Variants in PROM1 observed in about 807,000 individuals in gnomAD.
PROM1 encodes the protein prominin 1, also known as prominin-1.
PROM1 carries 105 observed loss-of-function variants against 116.9 expected under a neutral mutation model. The observed-to-expected ratio is 0.90, with a 90% confidence interval of 0.77 to 1.06. The LOEUF is 1.06. Ranked by LOEUF, PROM1 falls within the 50% of genes least tolerant of loss-of-function variation. PROM1 has a pLI of 0.00. For missense variants in PROM1, 1,122 were observed against 1,045.2 expected (o/e 1.07, Z -1.01); for synonymous variants, 393 against 387.0 (o/e 1.02, Z -0.18).
rs1720451956 is a variant in PROM1 at position 15,989,625 on chromosome 4, G to C, written c.2076+107C>G. On this transcript the variant is annotated intron_variant, in intron 19 of 27. Coordinates refer to ENST00000447510, the MANE Select transcript of PROM1 (RefSeq NM_006017.3). Reference sequence around the variant, plus strand: ...CTTCTGGGGCTGAAGCCAGTCAGCTGGGACCTATGAGAGATGAGCATGTGT... The same window carrying C: ...CTTCTGGGGCTGAAGCCAGTCAGCTCGGACCTATGAGAGATGAGCATGTGT... The C allele has an allele frequency of 6.4e-6, 6 of 939,666 alleles. No individual in the cohort carries two copies. In the South Asian group the frequency reaches 8.5e-5, roughly 13 times the overall value. The allele number at this position is 939,666 out of a possible 1,614,324, so 58.2% of individuals were successfully genotyped here.
chr4:15,977,944 T>C (rs1319793612), intron 26 of PROM1, among the ~76,000 whole-genome samples: 2 of 152,198 alleles, frequency 1.3e-5, no homozygotes, highest in Non-Finnish European at 2.9e-5. Context: ...CTGATCTGAA[T>C]GTTTGTGCAC....
intron 3 of PROM1, among the ~76,000 whole-genome samples, chr4:16,038,270 T>C (rs992789221): frequency 2.6e-5 from 4 of 152,208 alleles, no homozygotes; most frequent in African/African-American, 4.8e-5. Context: ...AAACGATGTT[T>C]TATAACAGAG....
intron 24 of PROM1, 200 bp downstream of exon 24, chr4:15,980,222 A>G: frequency 1.5e-6 from 1 of 656,276 alleles, no homozygotes. Context: ...AAGCAAGAGG[A>G]AAAAAGTAGT....
At position 15,984,324 on chromosome 4, in the gene PROM1, A is replaced by G. The variant is rs1280225569; in HGVS notation, c.2312T>C (p.Val771Ala). 1 of 1,605,498 alleles carries G rather than the reference A, an allele frequency of 6.2e-7. No homozygotes were observed. Among genetic ancestry groups the G allele is most frequent in the Admixed American group, 1.7e-5 (1 of 59,242 alleles). The part of the protein sequence containing the change: ...ISEKVASCKP[V>A]ATALDTAVDV... ...AACAGCAGTATCTAGAGCGGTGGCC[A>G]CAGGTTTGCACGATGCCACTTTCTC... The change falls in exon 23 of 28, where the codon GTG becomes GCG. Residue 771 changes from valine (V) to alanine (A), a missense_variant. By Grantham distance (64) the Val-to-Ala change is moderately conservative. Coordinates refer to ENST00000447510, the MANE Select transcript of PROM1 (RefSeq NM_006017.3).
At chr4:16,082,983 T>C (rs1578364600) in intron 1 of PROM1, among the ~76,000 whole-genome samples, 1 of 151,884 alleles carries the variant, frequency 6.6e-6, no homozygotes, top group East Asian at 2.0e-4. Context: ...TCCCCGCGCA[T>C]GCAAGCAGAA....
At chr4:16,036,919 A>G (rs1269450302) in intron 3 of PROM1, among the ~76,000 whole-genome samples, 2 of 152,216 alleles carry the variant, frequency 1.3e-5, no homozygotes, top group African/African-American at 4.8e-5. Context: ...ATGTGGGCTC[A>G]GTTCTGCATC....
Position 16,075,003 on chromosome 4 carries a change from C to G in PROM1, c.220+684G>C, listed in dbSNP as rs191979164. ...AAACCCTAGTAGCAGATATTTCCCA[C>G]AGGCTATTTTTACTTTCATAATCCC... On this transcript the variant is annotated intron_variant, in intron 2 of 27. Transcript: ENST00000447510. Among the ~76,000 whole-genome samples the G allele has an allele frequency of 8.5e-5, 13 of 152,338 alleles. No individual in the cohort carries two copies. In the East Asian group the frequency reaches 2.3e-3, roughly 27 times the overall value.
intron 24 of PROM1, 70 bp from the exon 25 acceptor site, chr4:15,979,974 C>A: frequency 1.1e-6 from 1 of 927,798 alleles, no homozygotes; most frequent in South Asian, 1.6e-5. Context: ...AACTACATCC[C>A]CCAAATATTT....
chr4:16,060,264 T>C (rs937188802), intron 2 of PROM1, among the ~76,000 whole-genome samples: 3 of 152,094 alleles, frequency 2.0e-5, no homozygotes, highest in Non-Finnish European at 4.4e-5. Context: ...CTACCAGATA[T>C]ATTAAGTTTT....
At chr4:16,024,410 A>C in intron 6 of PROM1, 52 bp from the exon 7 acceptor site, 1 of 1,448,394 alleles carries the variant, frequency 6.9e-7, no homozygotes, top group East Asian at 2.3e-5. Flanking sequence ...CAAAGGCAAT[A>C]AGAGGGCAAA....
chr4:15,973,327 A>G (rs1715143237), intron 26 of PROM1, among the ~76,000 whole-genome samples: 1 of 152,168 alleles, frequency 6.6e-6, no homozygotes, highest in African/African-American at 2.4e-5. Flanking sequence ...TGTGCCTGTA[A>G]TCCCAGCTAC....
chr4:16,035,246 A>T (rs947185605), intron 4 of PROM1, among the ~76,000 whole-genome samples: 10 of 152,222 alleles, frequency 6.6e-5, no homozygotes, highest in Non-Finnish European at 1.5e-5. Flanking sequence ...GTATTTTTCC[A>T]TCATTTCTCA....
At chr4:16,039,951 G>T (rs548860605) in intron 2 of PROM1, among the ~76,000 whole-genome samples, 4 of 152,214 alleles carry the variant, frequency 2.6e-5, no homozygotes, top group African/African-American at 9.6e-5. Flanking sequence ...CATGGACAGA[G>T]AGGGTGACAT....
At chr4:15,984,435 ACTTGGTGTC>A in intron 22 of PROM1, 80 bp from the exon 23 acceptor site, 1 of 1,033,404 alleles carries the variant, frequency 9.7e-7, no homozygotes, top group Non-Finnish European at 1.4e-6. Flanking sequence ...TTTACTTTTG[ACTTGGTGTC>A]ACAAAAAGGA....
At chr4:15,985,874 C>CA (rs1719239817) in intron 21 of PROM1, 46 bp from the exon 22 acceptor site, 1 of 65,494 alleles carries the variant, frequency 1.5e-5, no homozygotes, top group Non-Finnish European at 3.0e-5. Context: ...ATGATGACAG[C>CA]ATACTTAAAC....
chr4:16,077,777 T>G (rs1440786505), intron 1 of PROM1, among the ~76,000 whole-genome samples: 1 of 152,182 alleles, frequency 6.6e-6, no homozygotes, highest in East Asian at 1.9e-4. Context: ...CAGTACATGC[T>G]TATATGCTTA....
At chr4:15,974,107 ACTCT>A (rs1281627061) in intron 26 of PROM1, among the ~76,000 whole-genome samples, 5 of 96,104 alleles carry the variant, frequency 5.2e-5, no homozygotes, top group Admixed American at 2.5e-4. Flanking sequence ...AGACACACAC[ACTCT>A]CTCTCTTTCT....
intron 22 of PROM1, chr4:15,985,442 G>A: frequency 3.2e-6 from 1 of 308,780 alleles, no homozygotes; most frequent in South Asian, 3.8e-5. Context: ...AGGACTCTGA[G>A]AGAATTAAAA....
chr4:16,061,352 G>A (rs1222854705), intron 2 of PROM1, among the ~76,000 whole-genome samples: 1 of 152,202 alleles, frequency 6.6e-6, no homozygotes, highest in Non-Finnish European at 1.5e-5. Flanking sequence ...TGATCTAGCT[G>A]TAGAACAGTA....
Sources: gnomAD v4.1 joint callset for allele counts (sites outside exome capture counted in the v4.1 genomes callset) on GRCh38, gnomAD v4.1.1 for gene constraint, MANE v1.5 for transcripts, NCBI Gene and HGNC (gene_info 2026-07-23, HGNC 2026-07-21) for gene names.